Variants in GOSR2 observed in about 807,000 individuals in gnomAD.
The protein encoded by GOSR2 is 27 kDa Golgi SNARE protein.
In GOSR2, 20 loss-of-function variants were observed where a neutral mutation model predicts 27.9. That is an observed-to-expected ratio of 0.72 (90% CI 0.50 to 1.04). The LOEUF is 1.04. GOSR2 is among the 50% of genes least tolerant of loss of function. The pLI is 0.00. For missense variants in GOSR2, 261 were observed against 270.5 expected (o/e 0.97, Z 0.25); for synonymous variants, 91 against 98.8 (o/e 0.92, Z 0.47).
At chr17:46,952,788 TC>T (rs1181058222) in intron 6 of GOSR2, 1 of 152,118 alleles carries the variant, frequency 6.6e-6, no homozygotes, top group African/African-American at 2.4e-5. Flanking sequence ...CCTCAGAACT[TC>T]CCAATTTGGA....
At chr17:46,945,726 T>G (rs886329021), downstream of GOSR2, among the ~76,000 whole-genome samples, 4 of 152,124 alleles carry the variant, frequency 2.6e-5, no homozygotes, top group Non-Finnish European at 5.9e-5. Flanking sequence ...TCTAAGAGTT[T>G]CTTGTGCCCC....
intron 1 of GOSR2, 191 bp downstream of exon 1, chr17:46,923,412 G>A: frequency 1.4e-6 from 2 of 1,442,708 alleles, no homozygotes; most frequent in Non-Finnish European, 1.8e-6. Context: ...GTGGGTTCAG[G>A]CTGGGGCCTG....
intron 1 of GOSR2, chr17:46,923,817 T>C (rs1431946509): frequency 5.0e-6 from 2 of 400,954 alleles, no homozygotes; most frequent in Admixed American, 4.4e-5. Flanking sequence ...TCCTTGGTAG[T>C]GTCCTTTATT....
intron 5 of GOSR2, chr17:46,936,223 T>A (rs1013790489): frequency 1.0e-6 from 1 of 985,322 alleles, no homozygotes; most frequent in African/African-American, 1.7e-5. Flanking sequence ...GTCTGCCCTT[T>A]CTTTAGAAAA....
At chr17:46,937,799 A>G (rs1442789630) in intron 5 of GOSR2, 2 of 152,256 alleles carry the variant, frequency 1.3e-5, no homozygotes, top group Non-Finnish European at 2.9e-5. Flanking sequence ...GCAGTATTCC[A>G]TTGGTACAGG....
rs2087489916 is a variant in GOSR2 at position 46,932,174 on chromosome 17, T to G, written c.311T>G (p.Leu104Arg). 1 of 1,614,080 alleles carries G rather than the reference T, an allele frequency of 6.2e-7. No homozygotes were observed. Among genetic ancestry groups the G allele is most frequent in the Non-Finnish European group, 8.5e-7 (1 of 1,180,010 alleles). The change falls in exon 4 of 6, where the codon CTT becomes CGT. Residue 104 changes from leucine to arginine, a missense_variant. Leu to Arg is a moderately radical substitution (Grantham distance 102). Transcript: ENST00000640051. ...REQQERQREE[L>R]LSRTFTTNDS... ...CAGCAGGAGAGACAGCGAGAAGAGCTTCTGTCTCGAACCTTCACCACTAAC... is the reference window on the plus strand; with the variant it reads ...CAGCAGGAGAGACAGCGAGAAGAGCGTCTGTCTCGAACCTTCACCACTAAC...
chr17:46,965,952 G>A (rs1195223594), intron 6 of GOSR2, among the ~76,000 whole-genome samples: 1 of 152,020 alleles, frequency 6.6e-6, no homozygotes, highest in African/African-American at 2.4e-5. Flanking sequence ...TCTTTAATAT[G>A]TCCTGCTGTT....
At chr17:46,974,359 A>C (rs79849610) in intron 6 of GOSR2, among the ~76,000 whole-genome samples, 3,038 of 152,328 alleles carry the variant, frequency 0.02, 47 homozygotes, top group Middle Eastern at 0.037. Context: ...AAGATCAGTA[A>C]ACAGAATCTT....
At chr17:46,935,415 C>G in intron 5 of GOSR2, 1 of 1,426,500 alleles carries the variant, frequency 7.0e-7, no homozygotes, top group Non-Finnish European at 9.1e-7. Context: ...AGGTCTTTTC[C>G]CATTTACTGA....
At chr17:46,943,557 C>T (rs2089545231), downstream of GOSR2, among the ~76,000 whole-genome samples, 1 of 152,248 alleles carries the variant, frequency 6.6e-6, no homozygotes, top group Admixed American at 6.5e-5. Context: ...CTGCACGCTT[C>T]CTGCGGAATG....
At chr17:46,972,462 C>T (rs963631506) in intron 6 of GOSR2, among the ~76,000 whole-genome samples, 3 of 152,332 alleles carry the variant, frequency 2.0e-5, no homozygotes, top group South Asian at 2.1e-4. Context: ...CTGGGCACCC[C>T]GAGCCCTTGC....
chr17:46,938,774 A>G lies in GOSR2; in HGVS notation c.*14A>G. 1 of 1,613,686 alleles carries G rather than the reference A, an allele frequency of 6.2e-7. No individual in the cohort carries two copies. Among genetic ancestry groups the G allele is most frequent in the Non-Finnish European group, 8.5e-7 (1 of 1,179,894 alleles). ...TACCTGACATGAGCCAGCCACGCTC[A>G]GTGGCTGAACAGCATTCCCACAGCC... is the stretch of plus-strand genomic sequence containing the variant. On this transcript the variant is annotated 3_prime_UTR_variant, in exon 6 of 6. Transcript: ENST00000640051.
At chr17:46,947,693 A>C (rs370799284) in intron 6 of GOSR2, among the ~76,000 whole-genome samples, 1 of 152,230 alleles carries the variant, frequency 6.6e-6, no homozygotes, top group South Asian at 2.1e-4. Flanking sequence ...TCCTGTCTGT[A>C]TAGTGAGAAT....
rs543496442 is a variant in GOSR2 at position 46,934,378 on chromosome 17, T to C, written c.337-651T>C. On this transcript the variant is annotated intron_variant, in intron 4 of 5. Coordinates refer to ENST00000640051, the MANE Select transcript of GOSR2 (RefSeq NM_004287.5). ...AAGAGAAAGAAAGAAAGAAAAAAGC[T>C]GGGCATGGTAGCATGCACCTATGGT... Among the ~76,000 whole-genome samples the C allele has an allele frequency of 7.9e-5, 12 of 152,248 alleles. No individual in the cohort carries two copies. In the East Asian group the frequency reaches 2.3e-3, roughly 29 times the overall value.
intron 1 of GOSR2, among the ~76,000 whole-genome samples, chr17:46,928,634 C>T (rs1258188438): frequency 1.3e-5 from 2 of 152,142 alleles, no homozygotes; most frequent in Admixed American, 6.5e-5. Flanking sequence ...GCAGTTCCTT[C>T]GTTCCTTGAT....
intron 6 of GOSR2, among the ~76,000 whole-genome samples, chr17:46,961,477 G>A (rs1278853408): frequency 1.3e-5 from 2 of 152,150 alleles, no homozygotes; most frequent in African/African-American, 2.4e-5. Context: ...CGAGGCTGCA[G>A]TGAGCTATGA....
intron 6 of GOSR2, among the ~76,000 whole-genome samples, chr17:46,955,329 C>T (rs11651174): frequency 0.39 from 59,583 of 151,058 alleles, 11,928 homozygotes; most frequent in South Asian, 0.47. Context: ...TATTGATTTT[C>T]GTATGTTGAA....
At position 46,938,905 on chromosome 17, in the gene GOSR2, T is replaced by G; in HGVS notation, c.*145T>G. 6.5e-7 allele frequency: 1 copy of G among 1,530,206 alleles called. No homozygotes were observed. The highest frequency in any genetic ancestry group is 8.8e-7 in the Non-Finnish European group (1 of 1,140,336). The allele number at this position is 1,530,206 out of a possible 1,614,324, so 94.8% of individuals were successfully genotyped here. A position where few individuals can be genotyped will look rare whatever the true frequency, so the allele number is the denominator to read the frequency against. The stretch of plus-strand genomic sequence containing the variant: ...ACACTTGGGAGTGATTGTGGTCTAA[T>G]TTCCAACCTGCTCTGTTTTCTGTGA... On this transcript the variant is annotated 3_prime_UTR_variant, in exon 6 of 6. Coordinates refer to ENST00000640051, the MANE Select transcript of GOSR2 (RefSeq NM_004287.5).
intron 6 of GOSR2, among the ~76,000 whole-genome samples, chr17:46,953,893 T>C (rs534342395): frequency 1.9e-4 from 29 of 152,374 alleles, no homozygotes; most frequent in African/African-American, 6.7e-4. Flanking sequence ...GTTGTTTTTT[T>C]CTTGTAAATT....
Sources: gnomAD v4.1 joint callset for allele counts (sites outside exome capture counted in the v4.1 genomes callset) on GRCh38, gnomAD v4.1.1 for gene constraint, MANE v1.5 for transcripts, NCBI Gene and HGNC (gene_info 2026-07-23, HGNC 2026-07-21) for gene names.